SUMF1: variants seen among roughly 807,000 people sequenced by gnomAD.
SUMF1 encodes the protein formylglycine-generating enzyme.
Under a neutral mutation model 47.6 loss-of-function variants are expected in SUMF1, and 48 were observed. The ratio of observed to expected loss-of-function variants is 1.01; its 90% confidence interval spans 0.80 to 1.28. SUMF1 has a LOEUF of 1.28. Among genes scored for constraint, SUMF1 ranks in the 50% most tolerant of loss-of-function variants. The probability of loss-of-function intolerance (pLI) is 0.00; values close to 1 mark genes in which losing one functional copy is unlikely to be tolerated. For missense variants in SUMF1, 571 were observed against 485.4 expected (o/e 1.18, Z -1.66); for synonymous variants, 230 against 192.1 (o/e 1.20, Z -1.63).
chr3:4,103,030 C>T (rs1693072756), intron 8 of SUMF1, among the ~76,000 whole-genome samples: 1 of 151,540 alleles, frequency 6.6e-6, no homozygotes, highest in Non-Finnish European at 1.5e-5. Context: ...TCAAATGATT[C>T]TCCTGCCTCA....
intron 8 of SUMF1, chr3:4,303,616 C>A: frequency 1.4e-6 from 2 of 1,380,904 alleles, no homozygotes; most frequent in South Asian, 3.3e-5. Context: ...GCCTCCCAGT[C>A]GCGACCTTTT....
At chr3:4,238,911 T>C (rs1222401740) in intron 8 of SUMF1, among the ~76,000 whole-genome samples, 1 of 152,200 alleles carries the variant, frequency 6.6e-6, no homozygotes, top group African/African-American at 2.4e-5. Context: ...GTTTTAGGTC[T>C]TACACTTAAG....
intron 8 of SUMF1, among the ~76,000 whole-genome samples, chr3:4,163,003 C>A (rs1282487791): frequency 2.0e-5 from 3 of 151,936 alleles, no homozygotes; most frequent in Non-Finnish European, 4.4e-5. Context: ...ATTGCTGGCA[C>A]CCTAAAAATG....
Position 4,037,595 on chromosome 3 carries a change from G to A in SUMF1, c.1191+30974C>T, listed in dbSNP as rs188337744. On this transcript the variant is annotated intron_variant and NMD_transcript_variant, in intron 9 of 12. Coordinates refer to the SUMF1 transcript ENST00000448413. ...TCTTAGTTTCCTTTGATTGGATTTTGCTGTTCTCCCAAATCTTGATGATCT... is the reference window on the plus strand; with the variant it reads ...TCTTAGTTTCCTTTGATTGGATTTTACTGTTCTCCCAAATCTTGATGATCT... Among the ~76,000 whole-genome samples, 275 of 152,134 alleles carry A rather than the reference G, an allele frequency of 1.8e-3. 2 individuals are homozygous for A. The highest frequency in any genetic ancestry group is 6.2e-3 in the African/African-American group (258 of 41,480).
At chr3:4,408,123 A>T (rs1701430894) in intron 7 of SUMF1, among the ~76,000 whole-genome samples, 1 of 152,242 alleles carries the variant, frequency 6.6e-6, no homozygotes, top group South Asian at 2.1e-4. Flanking sequence ...AAAACTAACC[A>T]GGCATGTGAG....
intron 7 of SUMF1, among the ~76,000 whole-genome samples, chr3:4,407,261 C>T (rs1007060518): frequency 6.6e-6 from 1 of 152,192 alleles, no homozygotes; most frequent in Non-Finnish European, 1.5e-5. Flanking sequence ...ACTTTTGCTC[C>T]CTGGAAATCA....
At chr3:4,344,412 C>T (rs1301841615) in intron 8 of SUMF1, among the ~76,000 whole-genome samples, 1 of 152,076 alleles carries the variant, frequency 6.6e-6, no homozygotes, top group African/African-American at 2.4e-5. Flanking sequence ...TGAAATGAAC[C>T]CCCACCAAAT....
chr3:4,272,893 G>T (rs1355237009), intron 8 of SUMF1, among the ~76,000 whole-genome samples: 1 of 151,930 alleles, frequency 6.6e-6, no homozygotes, highest in Non-Finnish European at 1.5e-5. Context: ...GGGCAATATA[G>T]CCAGACAGCA....
chr3:4,369,393 T>C (rs868481582), intron 8 of SUMF1, among the ~76,000 whole-genome samples: 2 of 152,168 alleles, frequency 1.3e-5, no homozygotes, highest in Admixed American at 6.5e-5. Flanking sequence ...CAGGAAGACA[T>C]AGCAAAAGCC....
At chr3:4,097,152 C>A (rs913357411) in intron 8 of SUMF1, among the ~76,000 whole-genome samples, 3 of 152,090 alleles carry the variant, frequency 2.0e-5, no homozygotes, top group Admixed American at 2.0e-4. Context: ...TCAAAAATGT[C>A]CAACAGAGGG....
chr3:4,133,676 C>A (rs1347632805), intron 8 of SUMF1, among the ~76,000 whole-genome samples: 1 of 152,078 alleles, frequency 6.6e-6, no homozygotes, highest in Non-Finnish European at 1.5e-5. Context: ...ATGCTTCCTG[C>A]CCTTGAACAT....
intron 8 of SUMF1, chr3:4,317,033 G>A (rs776697150): frequency 7.1e-6 from 11 of 1,549,186 alleles, no homozygotes; most frequent in Middle Eastern, 2.3e-4. Context: ...CTCATCCACC[G>A]TATTCACCTG....
intron 8 of SUMF1, among the ~76,000 whole-genome samples, chr3:4,243,140 G>C (rs1696581571): frequency 6.6e-6 from 1 of 152,068 alleles, no homozygotes; most frequent in East Asian, 1.9e-4. Flanking sequence ...GCGTCTATTT[G>C]ATTCTTCCCT....
intron 8 of SUMF1, among the ~76,000 whole-genome samples, chr3:4,093,572 T>C (rs1273559797): frequency 1.3e-5 from 2 of 152,098 alleles, no homozygotes; most frequent in Non-Finnish European, 2.9e-5. Context: ...AAAAAAAGTT[T>C]TCTAGATAGA....
At chr3:4,122,945 C>A (rs1004844338) in intron 8 of SUMF1, among the ~76,000 whole-genome samples, 10 of 152,050 alleles carry the variant, frequency 6.6e-5, no homozygotes, top group Non-Finnish European at 1.0e-4. Flanking sequence ...GGATATGTGC[C>A]CATTCAACAA....
At chr3:4,368,738 C>G (rs1358088047) in intron 8 of SUMF1, among the ~76,000 whole-genome samples, 1 of 152,188 alleles carries the variant, frequency 6.6e-6, no homozygotes, top group East Asian at 1.9e-4. Context: ...GCCTAACGCA[C>G]ATATCCCTGA....
At chr3:4,462,806 T>C (rs1178272529) in intron 1 of SUMF1, among the ~76,000 whole-genome samples, 1 of 152,238 alleles carries the variant, frequency 6.6e-6, no homozygotes, top group East Asian at 1.9e-4. Context: ...TATACAGGGC[T>C]TATTTATCTA....
At chr3:4,150,241 G>A (rs1324618412) in intron 8 of SUMF1, among the ~76,000 whole-genome samples, 2 of 147,478 alleles carry the variant, frequency 1.4e-5, no homozygotes, top group African/African-American at 2.7e-5. Flanking sequence ...CTGCAGGGGT[G>A]TGCCACCATA....
At chr3:4,308,026 TAAA>T (rs569000119) in intron 8 of SUMF1, among the ~76,000 whole-genome samples, 2 of 147,224 alleles carry the variant, frequency 1.4e-5, no homozygotes, top group Non-Finnish European at 3.0e-5. Flanking sequence ...AGCAACGTCT[TAAA>T]AAAAAAAAAT....
Sources: allele counts gnomAD v4.1 joint callset (sites outside exome capture counted in the v4.1 genomes callset), GRCh38; gene constraint gnomAD v4.1.1; transcripts MANE v1.5; gene names NCBI Gene and HGNC (gene_info 2026-07-23, HGNC 2026-07-21).